Variants in CELF2 observed in about 807,000 individuals in gnomAD.
CELF2 encodes CUGBP Elav-like family member 2, also known as CUG triplet repeat RNA-binding protein 2.
CELF2 carries 8 observed loss-of-function variants against 62.6 expected under a neutral mutation model. The observed-to-expected ratio is 0.13, with a 90% CI of 0.07 to 0.23. CELF2 has a LOEUF of 0.23. CELF2 is among the 10% of genes least tolerant of loss of function. The pLI is 1.00. For missense variants in CELF2, 333 were observed against 671.0 expected (o/e 0.50, Z 5.56); for synonymous variants, 258 against 250.0 (o/e 1.03, Z -0.30).
chr10:10,676,870 C>T, the CELF2 span, among the ~76,000 whole-genome samples: 2 of 152,164 alleles, frequency 1.3e-5, no homozygotes, highest in Non-Finnish European at 2.9e-5. Flanking sequence ...CAGAAACAGA[C>T]AGTACTTTTA....
the CELF2 span, among the ~76,000 whole-genome samples, chr10:10,464,589 A>T: frequency 1.3e-5 from 2 of 152,180 alleles, no homozygotes; most frequent in African/African-American, 4.8e-5. Context: ...TTCTGGCTTA[A>T]AATAAGAAAG....
chr10:11,289,852 G>A (rs1466944063), intron 9 of CELF2, among the ~76,000 whole-genome samples: 3 of 152,308 alleles, frequency 2.0e-5, no homozygotes, highest in East Asian at 1.9e-4. Flanking sequence ...TTTTTAACAT[G>A]ATAGATTTCC....
the CELF2 span, among the ~76,000 whole-genome samples, chr10:10,641,158 A>G: frequency 6.6e-6 from 1 of 152,128 alleles, no homozygotes; most frequent in African/African-American, 2.4e-5. Flanking sequence ...AACAATAACC[A>G]TATTTTTATT....
At chr10:10,655,400 T>G in the CELF2 span, among the ~76,000 whole-genome samples, 16,476 of 101,134 alleles carry the variant, frequency 0.16, 1,987 homozygotes, top group South Asian at 0.32. Flanking sequence ...CCAAAAAAGA[T>G]CCCGCATCGC....
At chr10:11,192,634 G>A (rs779612132) in intron 2 of CELF2, among the ~76,000 whole-genome samples, 6 of 152,248 alleles carry the variant, frequency 3.9e-5, no homozygotes, top group South Asian at 4.1e-4. Flanking sequence ...AGTGAGGGAC[G>A]TGGAGATCCG....
rs556738656 is a variant in CELF2 at position 11,046,371 on chromosome 10, G to C, written c.74+28208G>C. Among the ~76,000 whole-genome samples the C allele has an allele frequency of 6.6e-6, 1 of 152,350 alleles. No homozygotes were observed. The highest frequency in any genetic ancestry group is 6.5e-5 in the Admixed American group (1 of 15,304). ...GCTGGATGCAATTTGGATCTCCCTA[G>C]ACGACTTGGCCCAGAGTTGGGCACA... On this transcript the variant is annotated intron_variant, in intron 1 of 12. Coordinates refer to ENST00000633077, the MANE Select transcript of CELF2 (RefSeq NM_001326342.2). The surrounding 1 kb of genome is among the most constrained non-coding windows in gnomAD (Gnocchi z 4.6).
At chr10:10,926,308 G>A (rs1172116211) in intron 2 of CELF2, among the ~76,000 whole-genome samples, 1 of 152,112 alleles carries the variant, frequency 6.6e-6, no homozygotes, top group Non-Finnish European at 1.5e-5. Context: ...AGGGCTTGTG[G>A]GGGCAGATTC....
Position 11,024,611 on chromosome 10 carries a change from GAATAATAATAGT to G in CELF2, c.74+6459_74+6470del, listed in dbSNP as rs553074328. On this transcript the variant is annotated intron_variant, in intron 1 of 12. Coordinates refer to ENST00000633077, the MANE Select transcript of CELF2 (RefSeq NM_001326342.2). ...GCAAGACTCCGTCTTCTTCTTCTAA[GAATAATAATAGT>G]AATAATAATAATAATAATGAAGAAG... Among the ~76,000 whole-genome samples, 7 of 150,322 alleles carry G rather than the reference GAATAATAATAGT, an allele frequency of 4.7e-5. No homozygotes were observed. The East Asian group carries it at 1.2e-3, about 25-fold the overall frequency.
chr10:10,763,286 C>T, the CELF2 span, among the ~76,000 whole-genome samples: 2 of 152,172 alleles, frequency 1.3e-5, no homozygotes, highest in African/African-American at 2.4e-5. Flanking sequence ...TTGGCGGAAG[C>T]TTTTTCACCT....
chr10:10,546,514 A>T, the CELF2 span, among the ~76,000 whole-genome samples: 1 of 152,192 alleles, frequency 6.6e-6, no homozygotes, highest in Non-Finnish European at 1.5e-5. Context: ...AACCAACTGT[A>T]TTATAAGTAA....
chr10:11,019,764 G>C (rs1342287765), intron 1 of CELF2, among the ~76,000 whole-genome samples: 2 of 152,072 alleles, frequency 1.3e-5, no homozygotes, highest in Non-Finnish European at 2.9e-5. Context: ...ACATTTCCAC[G>C]ATATTTGTTT....
the CELF2 span, among the ~76,000 whole-genome samples, chr10:10,762,142 C>T: frequency 3.7e-4 from 57 of 152,126 alleles, no homozygotes; most frequent in African/African-American, 1.3e-3. Context: ...AAACTGAGCC[C>T]TTATGCTTTC....
intron 9 of CELF2, among the ~76,000 whole-genome samples, chr10:11,304,006 C>T (rs1012735272): frequency 6.6e-6 from 1 of 152,212 alleles, no homozygotes; most frequent in Admixed American, 6.5e-5. Flanking sequence ...AGCTTTATTC[C>T]CAGTACGGTG....
In CELF2 at chr10:11,269,241, A is replaced by C. The variant is rs940055327; in HGVS notation, c.619-1425A>C. ...ATGATGGAAATACTATTTTTGTGCA[A>C]TTTACTGACATTTAACATTCTGTAC... On this transcript the variant is annotated intron_variant, in intron 6 of 12. Coordinates refer to ENST00000633077, the MANE Select transcript of CELF2 (RefSeq NM_001326342.2). This position sits in a 1 kb window ranked among gnomAD's most constrained non-coding sequence, Gnocchi z 4.4. Among the ~76,000 whole-genome samples, 1 of 152,212 alleles carries C rather than the reference A, an allele frequency of 6.6e-6. No individual in the cohort carries two copies. The highest frequency in any genetic ancestry group is 1.5e-5 in the Non-Finnish European group (1 of 68,038).
chr10:10,778,354 T>G, the CELF2 span, among the ~76,000 whole-genome samples: 1 of 152,198 alleles, frequency 6.6e-6, no homozygotes, highest in Non-Finnish European at 1.5e-5. Flanking sequence ...GTACACAGAG[T>G]CCTACATCCA....
At chr10:11,307,138 C>G (rs2094283566) in intron 9 of CELF2, among the ~76,000 whole-genome samples, 3 of 152,354 alleles carry the variant, frequency 2.0e-5, no homozygotes, top group South Asian at 4.1e-4. Flanking sequence ...GAGAAGTCTT[C>G]CCTAAGCACA....
the CELF2 span, among the ~76,000 whole-genome samples, chr10:10,724,071 CAGAA>C: frequency 9.9e-5 from 15 of 152,198 alleles, no homozygotes; most frequent in African/African-American, 4.8e-5. Flanking sequence ...CTTCAAGAAG[CAGAA>C]AGAGAGGCCC....
intron 1 of CELF2, among the ~76,000 whole-genome samples, chr10:11,111,810 A>G (rs987490664): frequency 6.6e-6 from 1 of 152,270 alleles, no homozygotes; most frequent in Non-Finnish European, 1.5e-5. Context: ...GAACAAATCA[A>G]TACCTCAGAC....
At chr10:10,833,998 A>G (rs1193367567) in intron 1 of CELF2, among the ~76,000 whole-genome samples, 1 of 152,218 alleles carries the variant, frequency 6.6e-6, no homozygotes, top group Admixed American at 6.5e-5. Flanking sequence ...TTCTACCATA[A>G]AGACACTTGT....
Sources: allele counts gnomAD v4.1 joint callset (sites outside exome capture counted in the v4.1 genomes callset), GRCh38; gene constraint gnomAD v4.1.1; non-coding constraint Gnocchi (gnomAD v3.1); transcripts MANE v1.5; gene names NCBI Gene and HGNC (gene_info 2026-07-23, HGNC 2026-07-21).